TTYH2: variants seen among roughly 807,000 people sequenced by gnomAD.
TTYH2 encodes the protein protein tweety homolog 2.
In TTYH2, 49 loss-of-function variants were observed where a neutral mutation model predicts 68.3. The ratio of observed to expected loss-of-function variants is 0.72; its 90% CI spans 0.57 to 0.91. TTYH2 has a LOEUF of 0.91. TTYH2 is among the 40% of genes least tolerant of loss of function. TTYH2 has a pLI of 0.00. For missense variants in TTYH2, 631 were observed against 700.4 expected (o/e 0.90, Z 1.12); for synonymous variants, 272 against 300.8 (o/e 0.90, Z 0.99).
chr17:74,228,573 T>G lies in TTYH2; in HGVS notation c.303-2315T>G, dbSNP rs1870999. Among the ~76,000 whole-genome samples the G allele has an allele frequency of 4.4e-3, 675 of 152,362 alleles. 6 individuals carry two copies. Among genetic ancestry groups the G allele is most frequent in the African/African-American group, 0.016 (657 of 41,588 alleles). On this transcript the variant is annotated intron_variant, in intron 2 of 13. Transcript: ENST00000269346. ...AGATGAGATTTCACAGGGATAGATTTAAAGTTCTGCTTTTGGTTAAAACAA... is the reference window on the plus strand; with the variant it reads ...AGATGAGATTTCACAGGGATAGATTGAAAGTTCTGCTTTTGGTTAAAACAA...
In TTYH2 at chr17:74,239,087, G is replaced by C. The variant is rs1276753716; in HGVS notation, c.635+1573G>C. ...CACTTAGGTGTACAAACTCATGCCC[G>C]TGTCATCTGACCTCTGGGGCTTTGT... On this transcript the variant is annotated intron_variant, in intron 4 of 13. Transcript: ENST00000269346. This position sits in a 1 kb window ranked among gnomAD's most constrained non-coding sequence, Gnocchi z 5.3. 6.6e-6 allele frequency among the ~76,000 whole-genome samples: 1 copy of C among 152,080 alleles called. No homozygotes were observed. Among genetic ancestry groups the C allele is most frequent in the African/African-American group, 2.4e-5 (1 of 41,404 alleles).
intron 3 of TTYH2, among the ~76,000 whole-genome samples, chr17:74,231,265 G>A (rs988060733): frequency 1.3e-5 from 2 of 152,202 alleles, no homozygotes; most frequent in South Asian, 2.1e-4. Flanking sequence ...CCAACAAGCC[G>A]AACACTTTCT....
rs767091965 is a variant in TTYH2 at position 74,222,682 on chromosome 17, T to G, written c.302+25T>G. Reference sequence around the variant, plus strand: ...GGTGAGTGTCCCTGGACGCTGGGCTTGGGGTGTGTGACTCAGTCTGCAAGG... The same window carrying G: ...GGTGAGTGTCCCTGGACGCTGGGCTGGGGGTGTGTGACTCAGTCTGCAAGG... On this transcript the variant is annotated intron_variant, in intron 2 of 13. Transcript: ENST00000269346. This position sits in a 1 kb window ranked among gnomAD's most constrained non-coding sequence, Gnocchi z 5.2. 1 of 1,590,916 alleles carries G rather than the reference T, an allele frequency of 6.3e-7. No individual in the cohort carries two copies. Among genetic ancestry groups the G allele is most frequent in the Admixed American group, 1.7e-5 (1 of 58,992 alleles).
chr17:74,249,482 G>A (rs992451419), intron 8 of TTYH2, 83 bp downstream of exon 8: 10 of 1,478,764 alleles, frequency 6.8e-6, no homozygotes, highest in African/African-American at 5.5e-5. Context: ...CAAGATGGCG[G>A]AGGTGGCAGG....
At chr17:74,231,048 A>G (rs2050384160) in intron 3 of TTYH2, 49 bp downstream of exon 3, 2 of 1,571,376 alleles carry the variant, frequency 1.3e-6, no homozygotes, top group South Asian at 1.1e-5. Flanking sequence ...CCACAAGGTC[A>G]GCGTGGTCAG....
chr17:74,250,472 C>T (rs1039901291), intron 10 of TTYH2, 115 bp downstream of exon 10: 1 of 850,832 alleles, frequency 1.2e-6, no homozygotes, highest in Non-Finnish European at 1.8e-6. Flanking sequence ...CCCTTCCGGC[C>T]CAGGAATGGA....
intron 3 of TTYH2, among the ~76,000 whole-genome samples, chr17:74,233,903 A>G (rs534637862): frequency 6.6e-6 from 1 of 152,264 alleles, no homozygotes; most frequent in African/African-American, 2.4e-5. Flanking sequence ...TCAGATGTAG[A>G]AACTGAGGCA....
rs1451977378 is a variant in TTYH2 at position 74,215,331 on chromosome 17, G to T, written c.129+1615G>T. On this transcript the variant is annotated intron_variant, in intron 1 of 13. Transcript: ENST00000269346. This position sits in a 1 kb window ranked among gnomAD's most constrained non-coding sequence, Gnocchi z 4.3. ...AGACCCCTAGGTGGGGGTAGGGATG[G>T]TAAGGGGACTCCCTCACCCTGATGG... is the stretch of plus-strand genomic sequence containing the variant. 6.6e-6 allele frequency among the ~76,000 whole-genome samples: 1 copy of T among 152,086 alleles called. No individual in the cohort carries two copies. Among genetic ancestry groups the T allele is most frequent in the Non-Finnish European group, 1.5e-5 (1 of 67,998 alleles).
intron 6 of TTYH2, among the ~76,000 whole-genome samples, chr17:74,247,016 C>G (rs898767995): frequency 6.6e-6 from 1 of 151,950 alleles, no homozygotes; most frequent in African/African-American, 2.4e-5. Flanking sequence ...AACCCCATCT[C>G]TAGTAAAAAT....
rs1050059158 is a variant in TTYH2, at chr17:74,248,717, C to A, written c.805-294C>A. Reference sequence around the variant, plus strand: ...ATTCGGGAATAAGAGTAACAGCATGCGCTCTGCCCCAGTCACTTTTCTGAG... The same window carrying A: ...ATTCGGGAATAAGAGTAACAGCATGAGCTCTGCCCCAGTCACTTTTCTGAG... On this transcript the variant is annotated intron_variant, in intron 6 of 13. Transcript: ENST00000269346. 1.9e-5 allele frequency: 25 copies of A among 1,312,722 alleles called. No individual in the cohort carries two copies. In the South Asian group the frequency reaches 4.3e-4, roughly 22 times the overall value. 81.3% of individuals were successfully genotyped at this position (1,312,722 alleles called of 1,614,324 possible). A position where few individuals can be genotyped will look rare whatever the true frequency, so the allele number is the denominator to read the frequency against.
At chr17:74,219,358 C>T (rs1251348538) in intron 1 of TTYH2, among the ~76,000 whole-genome samples, 1 of 140,454 alleles carries the variant, frequency 7.1e-6, no homozygotes, top group African/African-American at 3.2e-5. Context: ...CACTGCACTC[C>T]AGCCTGGCGA....
rs561254953 is a variant in TTYH2, at chr17:74,237,154, C to T, written c.415-140C>T. The T allele has an allele frequency of 3.2e-5, 26 of 804,162 alleles. No homozygotes were observed. In the South Asian group the frequency reaches 4.1e-4, roughly 13 times the overall value. The allele number at this position is 804,162 out of a possible 1,614,324, so 49.8% of individuals were successfully genotyped here. ...GGTTCAAGCAATCCGCCTGCCTCAG[C>T]CTCCCGAAGTGCTGGGATGACAGGC... On this transcript the variant is annotated intron_variant, in intron 3 of 13. Transcript: ENST00000269346.
At chr17:74,240,582 C>G (rs1347688247) in intron 4 of TTYH2, among the ~76,000 whole-genome samples, 1 of 152,188 alleles carries the variant, frequency 6.6e-6, no homozygotes. Flanking sequence ...AAAGCCCTCC[C>G]CTGAAGGGCC....
At position 74,230,900 on chromosome 17, in the gene TTYH2, C is replaced by T. The variant is rs763842781; in HGVS notation, c.315C>T (p.Gly105=). Reference sequence around the variant, plus strand: ...ATCTTGCTTATAGTGCTGCGGTGGGCGTTGGTTTCTATGGAAACAGCGAGA... The same window carrying T: ...ATCTTGCTTATAGTGCTGCGGTGGGTGTTGGTTTCTATGGAAACAGCGAGA... ...VAGLICCAAV[G]VGFYGNSETN... The change falls in exon 3 of 14, where the codon GGC becomes GGT. Residue 105 remains glycine, a synonymous_variant. Transcript: ENST00000269346. The T allele has an allele frequency of 3.9e-5, 63 of 1,613,904 alleles. No homozygotes were observed. Among genetic ancestry groups the T allele is most frequent in the Non-Finnish European group, 5.0e-5 (59 of 1,179,978 alleles).
At chr17:74,253,413 CG>C in intron 12 of TTYH2, 147 bp downstream of exon 12, 1 of 942,326 alleles carries the variant, frequency 1.1e-6, no homozygotes, top group Non-Finnish European at 1.5e-6. Context: ...GGAAGGCCCC[CG>C]GGGAGCATCT....
chr17:74,246,502 GC>G (rs2143766091), intron 6 of TTYH2, among the ~76,000 whole-genome samples: 1 of 149,122 alleles, frequency 6.7e-6, no homozygotes, highest in African/African-American at 2.6e-5. Flanking sequence ...TCGTCATCAT[GC>G]TAGGGTCACG....
At chr17:74,238,155 C>T (rs1480617260) in intron 4 of TTYH2, among the ~76,000 whole-genome samples, 1 of 152,126 alleles carries the variant, frequency 6.6e-6, no homozygotes, top group Non-Finnish European at 1.5e-5. Flanking sequence ...GTGGCTGGTG[C>T]AGGGTGGAAA....
rs1432399279 is a variant in TTYH2 at position 74,243,413 on chromosome 17, C to T, written c.675C>T (p.Val225=). The T allele has an allele frequency of 6.2e-7, 1 of 1,614,202 alleles. No individual in the cohort carries two copies. The highest frequency in any genetic ancestry group is 1.7e-5 in the Admixed American group (1 of 60,028). ...SYLLLFILDL[V]ICLIACLGLA... ...TCCTGCTCTTTATCCTGGACCTGGT[C>T]ATCTGCCTCATTGCCTGCCTGGGAC... is the stretch of plus-strand genomic sequence containing the variant. Residue 225 remains valine, a synonymous_variant, in exon 5 of 14, where the codon GTC becomes GTT. Coordinates refer to ENST00000269346, the MANE Select transcript of TTYH2 (RefSeq NM_032646.6).
chr17:74,260,343 G>A lies in TTYH2; in HGVS notation c.*134G>A. On this transcript the variant is annotated 3_prime_UTR_variant, in exon 14 of 14. Transcript: ENST00000269346. ...CTCCTGCTGTGGCAGAGGAGCAGCTGGGATTCCCGACCAAAGCCCCAGGGG... is the reference window on the plus strand; with the variant it reads ...CTCCTGCTGTGGCAGAGGAGCAGCTAGGATTCCCGACCAAAGCCCCAGGGG... 1 of 899,632 alleles carries A rather than the reference G, an allele frequency of 1.1e-6. No individual in the cohort carries two copies. Among genetic ancestry groups the A allele is most frequent in the Non-Finnish European group, 1.7e-6 (1 of 571,692 alleles). The allele number at this position is 899,632 out of a possible 1,614,324, so 55.7% of individuals were successfully genotyped here.
Sources: gnomAD v4.1 joint callset for allele counts (sites outside exome capture counted in the v4.1 genomes callset) on GRCh38, gnomAD v4.1.1 for gene constraint, Gnocchi (gnomAD v3.1) non-coding constraint, MANE v1.5 for transcripts, NCBI Gene and HGNC (gene_info 2026-07-23, HGNC 2026-07-21) for gene names.